The following MYH9 variants were observed in gnomAD, a reference collection of about 807,000 sequenced individuals.
MYH9 encodes myosin-9.
MYH9 carries 29 observed loss-of-function variants against 241.9 expected under a neutral mutation model. The ratio of observed to expected loss-of-function variants is 0.12; its 90% confidence interval spans 0.09 to 0.16. The LOEUF is 0.16. Ranked by LOEUF, MYH9 falls within the 10% of genes least tolerant of loss-of-function variation. The pLI is 1.00. For missense variants in MYH9, 1,803 were observed against 2,595.5 expected (o/e 0.69, Z 6.63); for synonymous variants, 1,047 against 1,062.6 (o/e 0.99, Z 0.29).
rs1603483041 is a variant in MYH9, at chr22:36,300,095, G to C, written c.2976+32C>G. On this transcript the variant is annotated intron_variant, in intron 23 of 40. Coordinates refer to ENST00000216181, the MANE Select transcript of MYH9 (RefSeq NM_002473.6). This position sits in a 1 kb window ranked among gnomAD's most constrained non-coding sequence, Gnocchi z 5.0. Reference sequence around the variant, plus strand: ...CACTCTCCCATCCACGGCGCCCCTGGAGCAGCGGCAGGCGACAGCCACGGG... The same window carrying C: ...CACTCTCCCATCCACGGCGCCCCTGCAGCAGCGGCAGGCGACAGCCACGGG... 2 of 1,606,720 alleles carry C rather than the reference G, an allele frequency of 1.2e-6. No homozygotes were observed. The highest frequency in any genetic ancestry group is 1.3e-5 in the African/African-American group (1 of 75,054).
intron 1 of MYH9, among the ~76,000 whole-genome samples, chr22:36,366,975 G>T (rs2018020449): frequency 1.3e-5 from 2 of 152,174 alleles, no homozygotes; most frequent in Admixed American, 1.3e-4. Context: ...GCTTCTATTT[G>T]TCTAGGTCAG....
Position 36,288,117 on chromosome 22 carries a change from G to A in MYH9, c.4932+135C>T, listed in dbSNP as rs2016619247. On this transcript the variant is annotated intron_variant, in intron 34 of 40. Transcript: ENST00000216181. This position sits in a 1 kb window ranked among gnomAD's most constrained non-coding sequence, Gnocchi z 4.8. The stretch of plus-strand genomic sequence containing the variant: ...TCTGAGTCTCTGTCAGTGAGATGGG[G>A]CTGGAAGCACCCAGGACCTTCCCAG... 1.9e-6 allele frequency: 2 copies of A among 1,042,704 alleles called. No homozygotes were observed. The highest frequency in any genetic ancestry group is 2.8e-5 in the South Asian group (2 of 72,466). The allele number at this position is 1,042,704 out of a possible 1,614,324, so 64.6% of individuals were successfully genotyped here. A position where few individuals can be genotyped will look rare whatever the true frequency, so the allele number is the denominator to read the frequency against.
intron 1 of MYH9, among the ~76,000 whole-genome samples, chr22:36,361,180 C>G (rs886657715): frequency 2.0e-5 from 3 of 152,196 alleles, no homozygotes; most frequent in African/African-American, 7.2e-5. Flanking sequence ...CTTCCCTTTC[C>G]ACCTCAGGAA....
chr22:36,354,956 A>AACACACACACACACACAC (rs136203), intron 1 of MYH9, among the ~76,000 whole-genome samples: 3,960 of 123,608 alleles, frequency 0.032, 174 homozygotes, highest in Non-Finnish European at 0.04. Flanking sequence ...CAAAAAACAA[A>AACACACACACACACACAC]ACACACACAC....
In MYH9 at chr22:36,281,982, G is replaced by A. The variant is rs55994070; in HGVS notation, c.*686C>T. The A allele has an allele frequency of 7.1e-3, 1,661 of 233,722 alleles. 10 individuals carry two copies. The highest frequency in any genetic ancestry group is 8.8e-3 in the Non-Finnish European group (1,040 of 118,158). 14.5% of individuals were successfully genotyped at this position (233,722 alleles called of 1,614,324 possible). A position where few individuals can be genotyped will look rare whatever the true frequency, so the allele number is the denominator to read the frequency against. On this transcript the variant is annotated 3_prime_UTR_variant, in exon 41 of 41. Transcript: ENST00000216181. ...GCAGGCTGTCCTCGGTAAAGGAGGG[G>A]AGGGGGCATTGCACTTGAGACATTT...
At position 36,288,714 on chromosome 22, in the gene MYH9, A is replaced by C; in HGVS notation, c.4770+13T>G. The C allele has an allele frequency of 3.1e-6, 5 of 1,601,004 alleles. No homozygotes were observed. Among genetic ancestry groups the C allele is most frequent in the Non-Finnish European group, 4.2e-6 (5 of 1,179,820 alleles). On this transcript the variant is annotated intron_variant, in intron 33 of 40. Transcript: ENST00000216181. This position sits in a 1 kb window ranked among gnomAD's most constrained non-coding sequence, Gnocchi z 4.8. ...CCTTGGGCACCCATGGGGTAGCAGG[A>C]GGCCATGCACACCTGTCTGACCAGC...
chr22:36,336,276 G>C (rs999166572), intron 3 of MYH9, among the ~76,000 whole-genome samples: 1 of 152,248 alleles, frequency 6.6e-6, no homozygotes, highest in Admixed American at 6.5e-5. Context: ...TCCTCAACCA[G>C]TGAGTTCTCC....
rs199938889 is a variant in MYH9 at position 36,305,911 on chromosome 22, G to C, written c.2159+19C>G. On this transcript the variant is annotated intron_variant, in intron 17 of 40. Transcript: ENST00000216181. This position sits in a 1 kb window ranked among gnomAD's most constrained non-coding sequence, Gnocchi z 4.7. Reference sequence around the variant, plus strand: ...GCACAGCAGGGCCCAGGAGAAGCGGGCTCCGGGCCCTGGCTCACCTCTGCC... The same window carrying C: ...GCACAGCAGGGCCCAGGAGAAGCGGCCTCCGGGCCCTGGCTCACCTCTGCC... 5.0e-6 allele frequency: 8 copies of C among 1,612,432 alleles called. No homozygotes were observed. The highest frequency in any genetic ancestry group is 6.8e-6 in the Non-Finnish European group (8 of 1,179,766).
rs1358412751 is a variant in MYH9, at chr22:36,295,679, T to C, written c.3311A>G (p.Lys1104Arg). ...EEAAQKNMAL[K>R]KIRELESQIS... ...CTGAGATTCCAGCTCCCGGATCTTC[T>C]TGAGGGCCATGTTCTTCTGGGCAGC... The change falls in exon 26 of 41, where the codon AAG (lysine) becomes AGG (arginine). Residue 1104 changes from lysine to arginine, a missense_variant. Physicochemically the swap from Lys to Arg is conservative, Grantham distance 26. Around this residue, in one of 11 missense-constraint regions of MYH9, gnomAD observed 290 missense variants for 360.5 expected, o/e 0.80. Transcript: ENST00000216181. This position sits in a 1 kb window ranked among gnomAD's most constrained non-coding sequence, Gnocchi z 4.1. The C allele has an allele frequency of 6.2e-7, 1 of 1,613,846 alleles. No individual in the cohort carries two copies. The highest frequency in any genetic ancestry group is 1.3e-5 in the African/African-American group (1 of 75,050).
intron 1 of MYH9, among the ~76,000 whole-genome samples, chr22:36,377,918 CAAAA>C (rs199683456): frequency 2.0e-5 from 3 of 150,038 alleles, no homozygotes; most frequent in African/African-American, 7.3e-5. Context: ...CTCAAAAAAA[CAAAA>C]AAAAACTTGA....
Position 36,320,761 on chromosome 22 carries a change from G to A in MYH9, c.868+37C>T, listed in dbSNP as rs751610324. On this transcript the variant is annotated intron_variant, in intron 8 of 40. Transcript: ENST00000216181. This position sits in a 1 kb window ranked among gnomAD's most constrained non-coding sequence, Gnocchi z 4.8. ...AATTCTGGCAAGAGGCCCAGAGCCC[G>A]GCAGCCCCGGTGTCAGGCTGCAGGC... is the stretch of plus-strand genomic sequence containing the variant. 25 of 1,537,904 alleles carry A rather than the reference G, an allele frequency of 1.6e-5. No individual in the cohort carries two copies. Among genetic ancestry groups the A allele is most frequent in the African/African-American group, 6.8e-5 (5 of 73,306 alleles).
intron 24 of MYH9, among the ~76,000 whole-genome samples, chr22:36,297,513 G>A (rs2016807210): frequency 6.6e-6 from 1 of 152,196 alleles, no homozygotes; most frequent in African/African-American, 2.4e-5. Context: ...TTAGGATGCT[G>A]TGAGGCGCCA....
chr22:36,342,794 G>A (rs1252042542), intron 2 of MYH9, among the ~76,000 whole-genome samples: 2 of 152,166 alleles, frequency 1.3e-5, no homozygotes, highest in Non-Finnish European at 2.9e-5. Flanking sequence ...GTGAAGCCGG[G>A]GCTCCACGCA....
intron 2 of MYH9, 87 bp from the exon 3 acceptor site, chr22:36,341,613 CA>C: frequency 6.7e-7 from 1 of 1,483,840 alleles, no homozygotes; most frequent in Non-Finnish European, 9.2e-7. Context: ...TCTGCGGCTT[CA>C]AAGGACCCCT....
chr22:36,380,231 TC>T (rs2018235434), intron 1 of MYH9, among the ~76,000 whole-genome samples: 1 of 152,126 alleles, frequency 6.6e-6, no homozygotes, highest in African/African-American at 2.4e-5. Context: ...CGGCAGCTCC[TC>T]CCAGGGCCCA....
At chr22:36,328,693 G>A (rs933855057) in intron 3 of MYH9, among the ~76,000 whole-genome samples, 9 of 152,248 alleles carry the variant, frequency 5.9e-5, no homozygotes, top group Admixed American at 2.6e-4. Flanking sequence ...ACGTCGCCAC[G>A]ATGGGTGGCA....
chr22:36,375,971 T>C (rs1252637364), intron 1 of MYH9, among the ~76,000 whole-genome samples: 1 of 146,202 alleles, frequency 6.8e-6, no homozygotes, highest in African/African-American at 2.5e-5. Context: ...TTTTTTTTTT[T>C]TTTTTTTGAG....
chr22:36,312,770 A>G (rs118184652), intron 13 of MYH9, among the ~76,000 whole-genome samples: 163 of 152,350 alleles, frequency 1.1e-3, no homozygotes, highest in Non-Finnish European at 1.7e-3. Flanking sequence ...GTGGGTTCCT[A>G]TTAGTTGGAA....
chr22:36,360,030 A>ACACCAC (rs136207), intron 1 of MYH9, among the ~76,000 whole-genome samples: 7,852 of 102,128 alleles, frequency 0.077, 717 homozygotes, highest in African/African-American at 0.18. Flanking sequence ...ATGAGGACAA[A>ACACCAC]CACCACCACC....
Sources: gnomAD v4.1 joint callset for allele counts (sites outside exome capture counted in the v4.1 genomes callset) on GRCh38, gnomAD v4.1.1 for gene constraint, gnomAD v4.1.1 regional missense constraint, Gnocchi (gnomAD v3.1) non-coding constraint, MANE v1.5 for transcripts, NCBI Gene and HGNC (gene_info 2026-07-23, HGNC 2026-07-21) for gene names.